The following FCHO2 variants were observed in gnomAD, a reference collection of about 807,000 sequenced individuals.
FCHO2 encodes the protein FCH and mu domain containing endocytic adaptor 2.
A neutral mutation model predicts 114.1 loss-of-function variants in FCHO2; 43 were observed. The ratio of observed to expected loss-of-function variants is 0.38; its 90% CI spans 0.30 to 0.49. FCHO2 has a LOEUF of 0.49. Ranked by LOEUF, FCHO2 falls within the 20% of genes least tolerant of loss-of-function variation. The pLI is 0.97. For synonymous variants in FCHO2, 293 were observed against 315.2 expected, an observed-to-expected ratio of 0.93 and a Z score of 0.75; for missense variants, 807 against 950.4, an observed-to-expected ratio of 0.85 and a Z score of 1.98.
intron 10 of FCHO2, among the ~76,000 whole-genome samples, chr5:73,039,578 G>T (rs1756702481): frequency 6.6e-6 from 1 of 152,148 alleles, no homozygotes; most frequent in Non-Finnish European, 1.5e-5. Flanking sequence ...TCATCTACCA[G>T]TAAGGAAGCT....
Position 73,077,343 on chromosome 5 carries a change from TTG to T in FCHO2, c.1700_1701del (p.Val567GlufsTer5). 6.3e-7 allele frequency: 1 copy of T among 1,575,680 alleles called. No individual in the cohort carries two copies. The highest frequency in any genetic ancestry group is 1.2e-5 in the South Asian group (1 of 85,978). On this transcript the variant is annotated frameshift_variant, in exon 21 of 26. Transcript: ENST00000430046. LOFTEE classifies it high-confidence loss of function. Reference sequence around the variant, plus strand: ...TTTCAAAATCCCTGTTTTAGGTGTATTGTGAAGATCACTGGTGATATGACAAT... The same window carrying T: ...TTTCAAAATCCCTGTTTTAGGTGTATTGAAGATCACTGGTGATATGACAAT...
chr5:72,997,629 A>G lies in FCHO2; in HGVS notation c.495+6765A>G, dbSNP rs962406518. On this transcript the variant is annotated intron_variant, in intron 5 of 25. Coordinates refer to ENST00000430046, the MANE Select transcript of FCHO2 (RefSeq NM_138782.3). ...TCCGTGCTGAGCCGCAACCTTCACC[A>G]GTATAGGTTCTGGTGACAGCTGCTC... 7 of 1,445,838 alleles carry G rather than the reference A, an allele frequency of 4.8e-6. No homozygotes were observed. In the Admixed American group the frequency reaches 5.0e-5, roughly 10 times the overall value. 89.6% of individuals were successfully genotyped at this position (1,445,838 alleles called of 1,614,324 possible).
At chr5:73,066,933 A>G (rs1742370323) in intron 18 of FCHO2, among the ~76,000 whole-genome samples, 1 of 152,016 alleles carries the variant, frequency 6.6e-6, no homozygotes, top group South Asian at 2.1e-4. Flanking sequence ...TATAAGCAAC[A>G]TATAATTTAA....
At chr5:73,022,206 C>T (rs764193959) in intron 8 of FCHO2, among the ~76,000 whole-genome samples, 2 of 152,092 alleles carry the variant, frequency 1.3e-5, no homozygotes, top group African/African-American at 2.4e-5. Context: ...AACTGATGAA[C>T]GATAACCTTT....
intron 19 of FCHO2, among the ~76,000 whole-genome samples, chr5:73,071,832 G>T (rs1163889280): frequency 6.6e-6 from 1 of 151,980 alleles, no homozygotes; most frequent in Non-Finnish European, 1.5e-5. Flanking sequence ...TTCTCTGCTT[G>T]CCAATGTTTC....
intron 5 of FCHO2, among the ~76,000 whole-genome samples, chr5:73,002,215 T>C (rs938660592): frequency 6.6e-6 from 1 of 152,158 alleles, no homozygotes; most frequent in Non-Finnish European, 1.5e-5. Context: ...GTAAAAGCCT[T>C]AATGGTTTTA....
At chr5:72,980,879 A>G (rs919885449) in intron 2 of FCHO2, among the ~76,000 whole-genome samples, 5 of 152,064 alleles carry the variant, frequency 3.3e-5, no homozygotes, top group African/African-American at 1.2e-4. Flanking sequence ...CACACCAGTG[A>G]GTCTTGACTC....
At chr5:73,018,186 C>T (rs1011534784) in intron 8 of FCHO2, among the ~76,000 whole-genome samples, 23 of 152,142 alleles carry the variant, frequency 1.5e-4, no homozygotes, top group African/African-American at 5.3e-4. Context: ...GGCTTGAAAC[C>T]TAAATCATCT....
At chr5:73,061,929 CATT>C (rs1757872312) in intron 17 of FCHO2, among the ~76,000 whole-genome samples, 1 of 152,070 alleles carries the variant, frequency 6.6e-6, no homozygotes, top group Non-Finnish European at 1.5e-5. Flanking sequence ...TCTACATCAT[CATT>C]ATTGCTTCTA....
intron 12 of FCHO2, among the ~76,000 whole-genome samples, chr5:73,051,929 C>T (rs1757356878): frequency 6.6e-6 from 1 of 151,398 alleles, no homozygotes; most frequent in South Asian, 2.1e-4. Context: ...CTGTTTTTCT[C>T]TTTGGTTTTT....
chr5:73,075,330 C>T (rs533133285), intron 20 of FCHO2, among the ~76,000 whole-genome samples: 1 of 152,174 alleles, frequency 6.6e-6, no homozygotes, highest in East Asian at 1.9e-4. Context: ...CATGGAGGAG[C>T]AAGCCATGCA....
At chr5:73,062,116 T>G (rs2112859998) in intron 17 of FCHO2, among the ~76,000 whole-genome samples, 1 of 152,104 alleles carries the variant, frequency 6.6e-6, no homozygotes, top group South Asian at 2.1e-4. Flanking sequence ...CTAATAGAAA[T>G]TTGTAGCACT....
chr5:72,983,013 A>G (rs555608495), intron 2 of FCHO2, among the ~76,000 whole-genome samples: 35 of 151,492 alleles, frequency 2.3e-4, no homozygotes, highest in Non-Finnish European at 4.6e-4. Flanking sequence ...TCCCGGGTTC[A>G]TGCCATTTTC....
At chr5:73,069,623 G>A (rs147562084) in intron 19 of FCHO2, among the ~76,000 whole-genome samples, 6 of 151,970 alleles carry the variant, frequency 3.9e-5, no homozygotes, top group South Asian at 2.1e-4. Context: ...GTGATGGGGT[G>A]GGGGGCGGTT....
intron 6 of FCHO2, 42 bp from the exon 7 acceptor site, chr5:73,015,584 C>T: frequency 8.8e-7 from 1 of 1,142,332 alleles, no homozygotes; most frequent in Non-Finnish European, 1.3e-6. Flanking sequence ...ATGTATGTAC[C>T]TGTATATGTT....
chr5:73,044,036 C>T lies in FCHO2; in HGVS notation c.939+2721C>T, dbSNP rs575739396. Among the ~76,000 whole-genome samples, 3 of 152,226 alleles carry T rather than the reference C, an allele frequency of 2.0e-5. No individual in the cohort carries two copies. In the East Asian group the frequency reaches 5.8e-4, roughly 29 times the overall value. ...CTGTTCTCGTGATAGTAAGTGAGTT[C>T]TCACTTGTTGTTTGAAAGTGTGTAG... On this transcript the variant is annotated intron_variant, in intron 11 of 25. Transcript: ENST00000430046.
intron 1 of FCHO2, among the ~76,000 whole-genome samples, chr5:72,964,013 A>G (rs1487455776): frequency 2.1e-5 from 3 of 141,184 alleles, no homozygotes; most frequent in Non-Finnish European, 4.5e-5. Flanking sequence ...GTCTCTTTGT[A>G]GGCATAGATT....
chr5:73,051,985 G>A (rs1757359323), intron 12 of FCHO2, among the ~76,000 whole-genome samples: 1 of 151,964 alleles, frequency 6.6e-6, no homozygotes, highest in Non-Finnish European at 1.5e-5. Flanking sequence ...GTGCAGTGGT[G>A]CGATCTCGGC....
intron 19 of FCHO2, among the ~76,000 whole-genome samples, chr5:73,073,445 G>C (rs1016979389): frequency 6.6e-6 from 1 of 151,896 alleles, no homozygotes; most frequent in East Asian, 1.9e-4. Context: ...TTTTGCTTCT[G>C]CTTTGCAAAA....
Sources: gnomAD v4.1 joint callset for allele counts (sites outside exome capture counted in the v4.1 genomes callset) on GRCh38, gnomAD v4.1.1 for gene constraint, MANE v1.5 for transcripts, NCBI Gene and HGNC (gene_info 2026-07-23, HGNC 2026-07-21) for gene names.